Variants in SDCCAG8 observed in about 807,000 individuals in gnomAD.
SDCCAG8 encodes the protein serologically defined colon cancer antigen 8.
SDCCAG8 carries 74 observed loss-of-function variants against 101.8 expected under a neutral mutation model. The ratio of observed to expected loss-of-function variants is 0.73; its 90% CI spans 0.60 to 0.88. SDCCAG8 has a LOEUF of 0.88. SDCCAG8 is among the 40% of genes least tolerant of loss of function. SDCCAG8 has a pLI of 0.00. For synonymous variants in SDCCAG8, 281 were observed against 292.9 expected (o/e 0.96, Z 0.41); for missense variants, 787 against 822.6 (o/e 0.96, Z 0.53).
intron 10 of SDCCAG8, among the ~76,000 whole-genome samples, chr1:243,337,720 G>A (rs1004060840): frequency 2.6e-5 from 4 of 152,148 alleles, no homozygotes; most frequent in African/African-American, 9.7e-5. Context: ...TTTAGCTTGT[G>A]GCTGTTGTTT....
At chr1:243,293,938 TAA>T (rs1365307519) in intron 6 of SDCCAG8, among the ~76,000 whole-genome samples, 2 of 152,218 alleles carry the variant, frequency 1.3e-5, no homozygotes, top group African/African-American at 2.4e-5. Context: ...TGAATACCTT[TAA>T]TAAATTTTTT....
At chr1:243,354,173 T>C (rs2076258567) in intron 12 of SDCCAG8, among the ~76,000 whole-genome samples, 1 of 152,204 alleles carries the variant, frequency 6.6e-6, no homozygotes, top group Admixed American at 6.5e-5. Flanking sequence ...GGACAAGTGG[T>C]AGCAAAAGTT....
intron 16 of SDCCAG8, among the ~76,000 whole-genome samples, chr1:243,444,348 C>T (rs758223655): frequency 7.3e-5 from 11 of 151,482 alleles, no homozygotes; most frequent in Non-Finnish European, 1.5e-4. Flanking sequence ...TGTTGCGGCA[C>T]TAAAGTTTTT....
rs566910685 is a variant in SDCCAG8 at position 243,311,690 on chromosome 1, G to A, written c.929+3513G>A. On this transcript the variant is annotated intron_variant, in intron 8 of 17. Coordinates refer to ENST00000366541, the MANE Select transcript of SDCCAG8 (RefSeq NM_006642.5). ...AGCACTTTGGGAGCCTGATGCAGGA[G>A]GATCACTTGAGGCCAGGTGTTTGAG... Among the ~76,000 whole-genome samples, 24 of 152,038 alleles carry A rather than the reference G, an allele frequency of 1.6e-4. No individual in the cohort carries two copies. In the South Asian group the frequency reaches 5.0e-3, roughly 32 times the overall value.
At chr1:243,414,416 G>C (rs915602854) in intron 13 of SDCCAG8, among the ~76,000 whole-genome samples, 1 of 152,098 alleles carries the variant, frequency 6.6e-6, no homozygotes, top group African/African-American at 2.4e-5. Flanking sequence ...GCAAGACCTT[G>C]GACCACATCC....
chr1:243,302,834 A>G (rs1225186716), intron 6 of SDCCAG8, among the ~76,000 whole-genome samples: 1 of 152,166 alleles, frequency 6.6e-6, no homozygotes, highest in Non-Finnish European at 1.5e-5. Context: ...CATTTTCAAC[A>G]CAATGGAAGA....
chr1:243,258,106 A>C (rs1460978387), intron 1 of SDCCAG8, among the ~76,000 whole-genome samples: 1 of 152,180 alleles, frequency 6.6e-6, no homozygotes, highest in Non-Finnish European at 1.5e-5. Context: ...TTTGAAATAA[A>C]ATTTAAATTT....
rs183058193 is a variant in SDCCAG8 at position 243,312,316 on chromosome 1, A to G, written c.929+4139A>G. 2.2e-3 allele frequency among the ~76,000 whole-genome samples: 333 copies of G among 152,342 alleles called. 2 individuals are homozygous for G. The highest frequency in any genetic ancestry group is 7.8e-3 in the African/African-American group (325 of 41,584). On this transcript the variant is annotated intron_variant, in intron 8 of 17. Coordinates refer to ENST00000366541, the MANE Select transcript of SDCCAG8 (RefSeq NM_006642.5). Reference sequence around the variant, plus strand: ...ATGATACCTTAAATATGATAAATCAAAAGTTTCCTTGTAAATGTGGTATTG... The same window carrying G: ...ATGATACCTTAAATATGATAAATCAGAAGTTTCCTTGTAAATGTGGTATTG...
intron 9 of SDCCAG8, among the ~76,000 whole-genome samples, chr1:243,326,122 A>T (rs1428890200): frequency 1.3e-5 from 2 of 151,970 alleles, no homozygotes; most frequent in African/African-American, 4.8e-5. Context: ...GAAAAAAAAA[A>T]TTTTCTTTTT....
chr1:243,377,492 G>A (rs2077666229), intron 12 of SDCCAG8, among the ~76,000 whole-genome samples: 1 of 151,870 alleles, frequency 6.6e-6, no homozygotes, highest in African/African-American at 2.4e-5. Context: ...TTATTTCACA[G>A]TTTTTCAAAT....
At chr1:243,334,123 C>T (rs771156827) in intron 10 of SDCCAG8, among the ~76,000 whole-genome samples, 1 of 152,166 alleles carries the variant, frequency 6.6e-6, no homozygotes, top group African/African-American at 2.4e-5. Flanking sequence ...TCACCAGGCT[C>T]TAAGACTTAA....
At chr1:243,422,983 A>C (rs760381173) in intron 15 of SDCCAG8, among the ~76,000 whole-genome samples, 2 of 152,172 alleles carry the variant, frequency 1.3e-5, no homozygotes, top group Non-Finnish European at 2.9e-5. Context: ...TCTCCTAACT[A>C]ACAGAAAACT....
At chr1:243,389,529 T>C (rs1025087743) in intron 13 of SDCCAG8, among the ~76,000 whole-genome samples, 1 of 152,218 alleles carries the variant, frequency 6.6e-6, no homozygotes, top group African/African-American at 2.4e-5. Flanking sequence ...AAATTTTATA[T>C]CAATTTTAAA....
At chr1:243,459,789 G>A (rs1200280209) in intron 16 of SDCCAG8, among the ~76,000 whole-genome samples, 3 of 152,010 alleles carry the variant, frequency 2.0e-5, no homozygotes, top group African/African-American at 7.2e-5. Context: ...ATTTTTTCTG[G>A]TGATGAGGTC....
intron 1 of SDCCAG8, among the ~76,000 whole-genome samples, chr1:243,256,462 T>C (rs1162558591): frequency 6.6e-6 from 1 of 152,240 alleles, no homozygotes; most frequent in Non-Finnish European, 1.5e-5. Flanking sequence ...CTCAATCAAC[T>C]CCTTGATCTT....
At chr1:243,351,001 G>A (rs1057354724) in intron 12 of SDCCAG8, among the ~76,000 whole-genome samples, 2 of 152,164 alleles carry the variant, frequency 1.3e-5, no homozygotes, top group Non-Finnish European at 2.9e-5. Context: ...ATCCTGTTCC[G>A]TTCTATTCTC....
chr1:243,327,994 C>G (rs1327105317), intron 9 of SDCCAG8, among the ~76,000 whole-genome samples: 1 of 152,066 alleles, frequency 6.6e-6, no homozygotes, highest in Non-Finnish European at 1.5e-5. Flanking sequence ...GCTCCGCCTC[C>G]CGGGTTCACG....
At chr1:243,270,899 T>C (rs1457597046) in intron 2 of SDCCAG8, 79 bp from the exon 3 acceptor site, 1 of 996,606 alleles carries the variant, frequency 1.0e-6, no homozygotes, top group African/African-American at 1.6e-5. Flanking sequence ...GCAATTTTTA[T>C]TAGTTGGAAG....
chr1:243,330,495 T>TA, intron 9 of SDCCAG8, 45 bp from the exon 10 acceptor site: 1 of 1,606,648 alleles, frequency 6.2e-7, no homozygotes. Flanking sequence ...ACCTATATTT[T>TA]TTCCAAATTC....
Sources: allele counts gnomAD v4.1 joint callset (sites outside exome capture counted in the v4.1 genomes callset), GRCh38; gene constraint gnomAD v4.1.1; transcripts MANE v1.5; gene names NCBI Gene and HGNC (gene_info 2026-07-23, HGNC 2026-07-21).